The following MAPKBP1 variants were observed in gnomAD, a reference collection of about 807,000 sequenced individuals.
MAPKBP1 encodes the protein mitogen-activated protein kinase-binding protein 1.
In MAPKBP1, 71 loss-of-function variants were observed where a neutral mutation model predicts 170.5. The ratio of observed to expected loss-of-function variants is 0.42; its 90% CI spans 0.34 to 0.51. MAPKBP1 has a LOEUF of 0.51. MAPKBP1 is among the 20% of genes least tolerant of loss of function. The probability of loss-of-function intolerance (pLI) is 0.06; values close to 1 mark genes in which losing one functional copy is unlikely to be tolerated. For synonymous variants in MAPKBP1, 719 were observed against 757.9 expected (o/e 0.95, Z 0.84); for missense variants, 1,598 against 1,933.0 (o/e 0.83, Z 3.25).
chr15:41,802,395 CTTTTT>C (rs562155602), intron 3 of MAPKBP1, among the ~76,000 whole-genome samples: 6 of 150,192 alleles, frequency 4.0e-5, no homozygotes, highest in Non-Finnish European at 5.9e-5. Context: ...ATTTTATAAA[CTTTTT>C]TTTTTAACTT....
intron 3 of MAPKBP1, among the ~76,000 whole-genome samples, chr15:41,801,494 C>T (rs1433540999): frequency 6.6e-6 from 1 of 152,114 alleles, no homozygotes; most frequent in Non-Finnish European, 1.5e-5. Flanking sequence ...TTCATAGCAA[C>T]TTTTATAGTT....
rs1357813696 is a variant in MAPKBP1, at chr15:41,826,639, G to C, written c.*1203G>C. ...CATAGGACACCTGGTTTAGGTAGAAGGAGCCTCCTCAAAGGCAGTGCTGGG... is the reference window on the plus strand; with the variant it reads ...CATAGGACACCTGGTTTAGGTAGAACGAGCCTCCTCAAAGGCAGTGCTGGG... On this transcript the variant is annotated 3_prime_UTR_variant, in exon 31 of 31. Transcript: ENST00000457542. 1 of 152,028 alleles carries C rather than the reference G, an allele frequency of 6.6e-6. No homozygotes were observed. Among genetic ancestry groups the C allele is most frequent in the Non-Finnish European group, 1.5e-5 (1 of 68,024 alleles). 9.4% of individuals were successfully genotyped at this position (152,028 alleles called of 1,614,324 possible).
chr15:41,790,087 G>A (rs923497317), intron 2 of MAPKBP1, among the ~76,000 whole-genome samples: 1 of 152,224 alleles, frequency 6.6e-6, no homozygotes, highest in Non-Finnish European at 1.5e-5. Context: ...TAAATGAGAT[G>A]ATCTGTGTGA....
intron 2 of MAPKBP1, among the ~76,000 whole-genome samples, chr15:41,789,737 A>G (rs529325919): frequency 6.6e-6 from 1 of 152,308 alleles, no homozygotes; most frequent in Admixed American, 6.5e-5. Context: ...CCCATTTTTT[A>G]GACCCACTTT....
intron 20 of MAPKBP1, 47 bp from the exon 21 acceptor site, chr15:41,819,199 C>G: frequency 6.2e-7 from 1 of 1,604,302 alleles, no homozygotes; most frequent in South Asian, 1.1e-5. Context: ...CCTCCTCTCC[C>G]CCTATTGAGT....
Position 41,818,274 on chromosome 15 carries a change from C to A in MAPKBP1, c.2061C>A (p.Gly687=), listed in dbSNP as rs1225537440. The stretch of plus-strand genomic sequence containing the variant: ...TCTCCATTTTTGACTTCTCCTCAGG[C>A]GAGTGCGTGGCCACCATGTTTGGCC... ...KNLSIFDFSS[G]ECVATMFGHS... The change falls in exon 18 of 31, where the codon GGC becomes GGA. Residue 687 remains glycine, a synonymous_variant. Transcript: ENST00000457542. This position sits in a 1 kb window ranked among gnomAD's most constrained non-coding sequence, Gnocchi z 5.2. 1.2e-6 allele frequency: 2 copies of A among 1,613,988 alleles called. No individual in the cohort carries two copies. The highest frequency in any genetic ancestry group is 1.7e-6 in the Non-Finnish European group (2 of 1,180,012).
intron 29 of MAPKBP1, 26 bp downstream of exon 29, chr15:41,824,087 C>T (rs1391511944): frequency 6.4e-7 from 1 of 1,571,528 alleles, no homozygotes; most frequent in Non-Finnish European, 8.6e-7. Flanking sequence ...CAGCTCTCAT[C>T]TCCTGCCCCA....
intron 9 of MAPKBP1, 125 bp from the exon 10 acceptor site, chr15:41,814,425 C>G: frequency 2.2e-6 from 2 of 913,002 alleles, no homozygotes; most frequent in Non-Finnish European, 3.3e-6. Flanking sequence ...TTTCTTCTCT[C>G]AAGCAACTAC....
At chr15:41,824,386 T>C in intron 29 of MAPKBP1, 98 bp from the exon 30 acceptor site, 1 of 1,150,658 alleles carries the variant, frequency 8.7e-7, no homozygotes, top group Non-Finnish European at 1.2e-6. Flanking sequence ...GGGGGTGCAA[T>C]GCTGAGGGCT....
At chr15:41,786,777 A>ATATATAT (rs1555448144) in intron 2 of MAPKBP1, among the ~76,000 whole-genome samples, 7 of 32,468 alleles carry the variant, frequency 2.2e-4, no homozygotes, top group African/African-American at 3.9e-4. Context: ...AAAAAAAAAA[A>ATATATAT]ATATATATAT....
intron 24 of MAPKBP1, 81 bp from the exon 25 acceptor site, chr15:41,821,884 C>G (rs1298916745): frequency 1.3e-6 from 2 of 1,573,060 alleles, no homozygotes; most frequent in African/African-American, 1.3e-5. Flanking sequence ...ATCCCTCACC[C>G]TGATCACAGG....
chr15:41,821,236 G>A, intron 23 of MAPKBP1, 168 bp downstream of exon 23: 1 of 703,242 alleles, frequency 1.4e-6, no homozygotes, highest in South Asian at 1.8e-5. Flanking sequence ...TGTATGGTTT[G>A]GTCATCAGGA....
Position 41,827,838 on chromosome 15 carries a change from A to C in MAPKBP1, c.*2402A>C, listed in dbSNP as rs2065144682. 4.9e-6 allele frequency: 2 copies of C among 406,566 alleles called. No homozygotes were observed. Among genetic ancestry groups the C allele is most frequent in the East Asian group, 4.0e-5 (1 of 24,874 alleles). The allele number at this position is 406,566 out of a possible 1,614,324, so 25.2% of individuals were successfully genotyped here. A position where few individuals can be genotyped will look rare whatever the true frequency, so the allele number is the denominator to read the frequency against. ...GTACTGATGTATGAACTTGTCAATA[A>C]ACACAATTGTTTGTTAACCCTGGGA... On this transcript the variant is annotated 3_prime_UTR_variant, in exon 31 of 31. Coordinates refer to ENST00000457542, the MANE Select transcript of MAPKBP1 (RefSeq NM_014994.3).
intron 12 of MAPKBP1, 78 bp downstream of exon 12, chr15:41,815,877 G>C: frequency 1.4e-6 from 2 of 1,454,548 alleles, no homozygotes. Flanking sequence ...GGGAGGGTTT[G>C]GCTCAAAAAG....
chr15:41,781,399 G>GTTT (rs71108134), intron 2 of MAPKBP1, among the ~76,000 whole-genome samples: 1 of 140,344 alleles, frequency 7.1e-6, no homozygotes, highest in African/African-American at 2.5e-5. Flanking sequence ...GGGTTTTTTT[G>GTTT]TTTTTTTTTT....
In MAPKBP1 at chr15:41,823,791, G is replaced by A. The variant is rs775146779; in HGVS notation, c.3943G>A (p.Ala1315Thr). The change falls in exon 29 of 31, where the codon GCC becomes ACC. Residue 1315 changes from alanine (A) to threonine (T), a missense_variant. Ala to Thr is a moderately conservative substitution (Grantham distance 58). Transcript: ENST00000457542. ...ATTCTCTCCTGTCACCAAAGGCCGG[G>A]CCCCTGGCGAGGCAGAAAAGCCTGG... The part of the protein sequence containing the change: ...AAFSPVTKGR[A>T]PGEAEKPGFP... 4.3e-6 allele frequency: 7 copies of A among 1,614,022 alleles called. No homozygotes were observed. The highest frequency in any genetic ancestry group is 2.2e-5 in the East Asian group (1 of 44,894).
rs1310874904 is a variant in MAPKBP1 at position 41,826,875 on chromosome 15, A to G, written c.*1439A>G. The G allele has an allele frequency of 6.6e-6, 1 of 152,190 alleles. No homozygotes were observed. Among genetic ancestry groups the G allele is most frequent in the African/African-American group, 2.4e-5 (1 of 41,408 alleles). The allele number at this position is 152,190 out of a possible 1,614,324, so 9.4% of individuals were successfully genotyped here. A position where few individuals can be genotyped will look rare whatever the true frequency, so the allele number is the denominator to read the frequency against. ...ATGTCGTGAGGCAGTTGAAGAGTTG[A>G]GGAAAGGTTTTTCTGGGCCCTACTG... is the stretch of plus-strand genomic sequence containing the variant. On this transcript the variant is annotated 3_prime_UTR_variant, in exon 31 of 31. Transcript: ENST00000457542.
Position 41,824,516 on chromosome 15 carries a change from C to T in MAPKBP1, c.4246C>T (p.Leu1416=). 1 of 1,602,786 alleles carries T rather than the reference C, an allele frequency of 6.2e-7. No individual in the cohort carries two copies. Among genetic ancestry groups the T allele is most frequent in the South Asian group, 1.1e-5 (1 of 88,824 alleles). Residue 1416 remains leucine (L), a synonymous_variant, in exon 30 of 31, where the codon CTG becomes TTG. Coordinates refer to ENST00000457542, the MANE Select transcript of MAPKBP1 (RefSeq NM_014994.3). ...GGTGAGCCTGGAGCAGTGTGAGCAGCTGGTGGCAGAGCTCCGCGGCAGCGT... is the reference window on the plus strand; with the variant it reads ...GGTGAGCCTGGAGCAGTGTGAGCAGTTGGTGGCAGAGCTCCGCGGCAGCGT... ...PAVSLEQCEQ[L]VAELRGSVRQ...
At chr15:41,806,861 A>G (rs7174099) in intron 3 of MAPKBP1, among the ~76,000 whole-genome samples, 73,799 of 151,962 alleles carry the variant, frequency 0.49, 18,334 homozygotes, top group Non-Finnish European at 0.53. Flanking sequence ...GTTCACCAAG[A>G]AGGCTGAGAG....
Sources: gnomAD v4.1 joint callset for allele counts (sites outside exome capture counted in the v4.1 genomes callset) on GRCh38, gnomAD v4.1.1 for gene constraint, Gnocchi (gnomAD v3.1) non-coding constraint, MANE v1.5 for transcripts, NCBI Gene and HGNC (gene_info 2026-07-23, HGNC 2026-07-21) for gene names.